The following SOX30 variants were observed in gnomAD, a reference collection of about 807,000 sequenced individuals.
SOX30 encodes transcription factor SOX-30.
SOX30 carries 17 observed loss-of-function variants against 58.6 expected under a neutral mutation model. The observed-to-expected ratio is 0.29, with a 90% CI of 0.20 to 0.44. The LOEUF is 0.44. Ranked by LOEUF, SOX30 falls within the 20% of genes least tolerant of loss-of-function variation. The probability of loss-of-function intolerance (pLI) is 1.00; values close to 1 mark genes in which losing one functional copy is unlikely to be tolerated. For missense variants in SOX30, 951 were observed against 965.8 expected, an observed-to-expected ratio of 0.98 and a Z score of 0.20; for synonymous variants, 421 against 400.2, an observed-to-expected ratio of 1.05 and a Z score of -0.62.
At chr5:157,632,536 C>T (rs1758838129) in intron 4 of SOX30, among the ~76,000 whole-genome samples, 1 of 152,020 alleles carries the variant, frequency 6.6e-6, no homozygotes, top group African/African-American at 2.4e-5. Context: ...ATCACTTGAA[C>T]CCTGGAGGCA....
At chr5:157,668,892 T>C (rs1759718059) in intron 1 of SOX30, among the ~76,000 whole-genome samples, 1 of 151,984 alleles carries the variant, frequency 6.6e-6, no homozygotes, top group Admixed American at 6.6e-5. Flanking sequence ...AAGGAATTAG[T>C]GGTAGATTTG....
At chr5:157,642,614 T>C (rs1759094339) in intron 3 of SOX30, among the ~76,000 whole-genome samples, 3 of 151,954 alleles carry the variant, frequency 2.0e-5, no homozygotes, top group African/African-American at 7.2e-5. Flanking sequence ...TGCCTCAAAG[T>C]CACAGTTACT....
intron 2 of SOX30, chr5:157,667,704 C>A: frequency 6.8e-7 from 1 of 1,481,058 alleles, no homozygotes; most frequent in Non-Finnish European, 9.0e-7. Context: ...ATGCCACTGC[C>A]CTCCAGCCTG....
intron 3 of SOX30, among the ~76,000 whole-genome samples, chr5:157,644,262 C>T (rs1374666486): frequency 6.6e-6 from 1 of 152,174 alleles, no homozygotes; most frequent in Admixed American, 6.6e-5. Context: ...TGAGTCACCA[C>T]AGCTGGCCCA....
intron 2 of SOX30, among the ~76,000 whole-genome samples, chr5:157,647,983 A>G (rs560843475): frequency 1.3e-5 from 2 of 152,280 alleles, no homozygotes; most frequent in South Asian, 4.2e-4. Flanking sequence ...ATTTGCAGCC[A>G]CTGTGTAATC....
rs372981162 is a variant in SOX30 at position 157,651,264 on chromosome 5, C to T, written c.815G>A (p.Arg272Gln). 3.7e-6 allele frequency: 6 copies of T among 1,614,020 alleles called. No homozygotes were observed. In the East Asian group the frequency reaches 6.7e-5, roughly 18 times the overall value. The change falls in exon 1 of 5, where the codon CGG becomes CAG. Residue 272 changes from arginine (R) to glutamine (Q), a missense_variant. By Grantham distance (43) the Arg-to-Gln change is conservative (BLOSUM62 1). This residue lies in a region of SOX30 where 84 missense variants were observed against 68.2 expected (regional missense o/e 1.23). Coordinates refer to ENST00000265007, the MANE Select transcript of SOX30 (RefSeq NM_178424.2). ...AGGCGGAGCTCCCTGAAACTGGATC[C>T]GGGCCCCAGGGGGGACCGTGTGGAG... is the stretch of plus-strand genomic sequence containing the variant. ...LTLHTVPPGA[R>Q]IQFQGAPPSE...
chr5:157,638,259 G>C lies in SOX30; in HGVS notation c.1851C>G (p.Phe617Leu). ...ATGGGAAGTAGTGAGGTCCGGGTAGGAAGTAAGGGTGATGAAAAGAGAATC... is the reference window on the plus strand; with the variant it reads ...ATGGGAAGTAGTGAGGTCCGGGTAGCAAGTAAGGGTGATGAAAAGAGAATC... ...PPRFSFHHPYFLPGPHYFPSS... is the reference protein window; with the variant it reads ...PPRFSFHHPYLLPGPHYFPSS... Residue 617 changes from phenylalanine to leucine, a missense_variant, in exon 4 of 5, where the codon TTC (phenylalanine) becomes TTG (leucine). Physicochemically the swap from Phe to Leu is conservative, Grantham distance 22. This residue lies in a region of SOX30 where 381 missense variants were observed against 390.0 expected (regional missense o/e 0.98). Coordinates refer to ENST00000265007, the MANE Select transcript of SOX30 (RefSeq NM_178424.2). 1 of 1,555,912 alleles carries C rather than the reference G, an allele frequency of 6.4e-7. No individual in the cohort carries two copies. Among genetic ancestry groups the C allele is most frequent in the East Asian group, 2.3e-5 (1 of 44,330 alleles).
Position 157,638,528 on chromosome 5 carries a change from C to T in SOX30, c.1582G>A (p.Ala528Thr). 1 of 1,614,156 alleles carries T rather than the reference C, an allele frequency of 6.2e-7. No homozygotes were observed. Among genetic ancestry groups the T allele is most frequent in the East Asian group, 2.2e-5 (1 of 44,862 alleles). The change falls in exon 4 of 5, where the codon GCC becomes ACC. Residue 528 changes from alanine (A) to threonine (T), a missense_variant. Transcript: ENST00000265007. Reference sequence around the variant, plus strand: ...GTGGGTTGCTTCACAGTGTGAGTGGCTTCAGAATGCAGCTGATGAGTGTCT... The same window carrying T: ...GTGGGTTGCTTCACAGTGTGAGTGGTTTCAGAATGCAGCTGATGAGTGTCT... ...QTDTHQLHSE[A>T]THTVKQPTPV...
chr5:157,646,002 G>C (rs1226237744), intron 3 of SOX30, among the ~76,000 whole-genome samples: 1 of 140,448 alleles, frequency 7.1e-6, no homozygotes, highest in Admixed American at 7.0e-5. Flanking sequence ...TGGTCAACAA[G>C]AGCGAAAACT....
At chr5:157,643,457 T>A (rs922073207) in intron 3 of SOX30, among the ~76,000 whole-genome samples, 6 of 151,856 alleles carry the variant, frequency 4.0e-5, no homozygotes, top group Non-Finnish European at 7.4e-5. Flanking sequence ...AAAATTTTTT[T>A]AAAAAACCTC....
chr5:157,661,276 G>A (rs1759574401), intron 2 of SOX30, among the ~76,000 whole-genome samples: 1 of 152,162 alleles, frequency 6.6e-6, no homozygotes, highest in South Asian at 2.1e-4. Flanking sequence ...GGTTTATGTA[G>A]CTGCCTTTTA....
chr5:157,656,126 G>C (rs776335887), upstream of SOX30, among the ~76,000 whole-genome samples: 1 of 152,190 alleles, frequency 6.6e-6, no homozygotes, highest in African/African-American at 2.4e-5. Flanking sequence ...CATCTTAGGA[G>C]ATGAGTCCTT....
intron 4 of SOX30, among the ~76,000 whole-genome samples, chr5:157,636,082 C>A (rs939943784): frequency 2.6e-5 from 4 of 152,098 alleles, no homozygotes; most frequent in Admixed American, 1.3e-4. Context: ...ATAAAAACTA[C>A]GTGTAAAAAT....
At chr5:157,656,832 TG>T (rs1759481961), upstream of SOX30, among the ~76,000 whole-genome samples, 1 of 152,196 alleles carries the variant, frequency 6.6e-6, no homozygotes, top group African/African-American at 2.4e-5. Context: ...TTTTGGAAAG[TG>T]TGAAAAATTA....
chr5:157,664,811 A>G (rs1020752009), intron 2 of SOX30, among the ~76,000 whole-genome samples: 2 of 152,224 alleles, frequency 1.3e-5, no homozygotes, highest in Non-Finnish European at 2.9e-5. Flanking sequence ...CCTTCTCAAA[A>G]GAAGACAGTT....
At chr5:157,645,152 T>C (rs923111811) in intron 3 of SOX30, among the ~76,000 whole-genome samples, 1 of 152,136 alleles carries the variant, frequency 6.6e-6, no homozygotes, top group Non-Finnish European at 1.5e-5. Context: ...CATCTCTCTC[T>C]TGAGTCTAGA....
At position 157,659,823 on chromosome 5, in the gene SOX30, T is replaced by C. The variant is rs1469747831; in HGVS notation, c.52+7975A>G. ...CAGGGCTTCCAGATCACAGGTGGATTCAAAGATTTTCTGAATGGCAATTGG... is the reference window on the plus strand; with the variant it reads ...CAGGGCTTCCAGATCACAGGTGGATCCAAAGATTTTCTGAATGGCAATTGG... On this transcript the variant is annotated intron_variant, in intron 2 of 5. Transcript: ENST00000519442. Among the ~76,000 whole-genome samples the C allele has an allele frequency of 2.6e-5, 4 of 152,176 alleles. No homozygotes were observed. The East Asian group carries it at 7.7e-4, about 29-fold the overall frequency.
chr5:157,664,872 G>A (rs1043084819), intron 2 of SOX30, among the ~76,000 whole-genome samples: 6 of 152,194 alleles, frequency 3.9e-5, no homozygotes, highest in Non-Finnish European at 7.3e-5. Context: ...AGCCATCAGA[G>A]AAATGCAAAT....
Position 157,625,780 on chromosome 5 carries a change from C to T in SOX30, c.*560G>A, listed in dbSNP as rs1343633264. 6.6e-6 allele frequency: 1 copy of T among 152,486 alleles called. No homozygotes were observed. Among genetic ancestry groups the T allele is most frequent in the East Asian group, 1.9e-4 (1 of 5,204 alleles). The allele number at this position is 152,486 out of a possible 1,614,324, so 9.4% of individuals were successfully genotyped here. A position where few individuals can be genotyped will look rare whatever the true frequency, so the allele number is the denominator to read the frequency against. On this transcript the variant is annotated 3_prime_UTR_variant, in exon 5 of 5. Transcript: ENST00000265007. ...TAAAAATATTTAGAAACAGAAATGA[C>T]TAAATTTAGCTGAAGAATCACCCAG...
Sources: allele counts gnomAD v4.1 joint callset (sites outside exome capture counted in the v4.1 genomes callset), GRCh38; gene constraint gnomAD v4.1.1; regional missense constraint gnomAD v4.1.1; transcripts MANE v1.5; gene names NCBI Gene and HGNC (gene_info 2026-07-23, HGNC 2026-07-21).